Variants in PALS2 observed in about 807,000 individuals in gnomAD.
PALS2 encodes the protein protein associated with LIN7 2, MAGUK p55 family member, also known as protein PALS2.
Under a neutral mutation model 61.6 loss-of-function variants are expected in PALS2, and 27 were observed. That is an observed-to-expected ratio of 0.44 (90% CI 0.32 to 0.60). PALS2 has a LOEUF of 0.60. PALS2 is among the 20% of genes least tolerant of loss of function. The pLI is 0.05. For synonymous variants in PALS2, 236 were observed against 218.6 expected, an observed-to-expected ratio of 1.08 and a Z score of -0.70; for missense variants, 554 against 639.4, an observed-to-expected ratio of 0.87 and a Z score of 1.44.
At chr7:24,594,753 T>A (rs1184369550) in intron 1 of PALS2, among the ~76,000 whole-genome samples, 3 of 152,128 alleles carry the variant, frequency 2.0e-5, no homozygotes, top group African/African-American at 7.2e-5. Context: ...GGTAATTACC[T>A]TGACCCTATC....
At chr7:24,663,803 A>G in intron 6 of PALS2, 82 bp downstream of exon 6, 1 of 1,438,906 alleles carries the variant, frequency 6.9e-7, no homozygotes, top group Non-Finnish European at 9.5e-7. Context: ...AGTCAGGAAG[A>G]ATATTAGCAT....
At chr7:24,583,160 G>C (rs960635983) in intron 1 of PALS2, among the ~76,000 whole-genome samples, 3 of 151,742 alleles carry the variant, frequency 2.0e-5, no homozygotes, top group Admixed American at 2.0e-4. Context: ...CAAAGTGCTG[G>C]GATTACAAGC....
chr7:24,585,650 C>T (rs2128041305), intron 1 of PALS2, among the ~76,000 whole-genome samples: 1 of 152,232 alleles, frequency 6.6e-6, no homozygotes, highest in South Asian at 2.1e-4. Context: ...CATCTCCATC[C>T]CCTCCTTTCC....
intron 2 of PALS2, among the ~76,000 whole-genome samples, chr7:24,635,529 GCTT>G (rs1785194086): frequency 6.6e-6 from 1 of 151,970 alleles, no homozygotes; most frequent in Non-Finnish European, 1.5e-5. Context: ...AACCTGAATG[GCTT>G]TTTTATTTTT....
chr7:24,609,918 T>G (rs1322363073), intron 1 of PALS2, among the ~76,000 whole-genome samples: 1 of 152,102 alleles, frequency 6.6e-6, no homozygotes, highest in Non-Finnish European at 1.5e-5. Flanking sequence ...CTAGGAATGG[T>G]TTAGGAAATT....
intron 5 of PALS2, among the ~76,000 whole-genome samples, chr7:24,662,203 T>C (rs1786758043): frequency 1.3e-5 from 2 of 152,288 alleles, no homozygotes; most frequent in South Asian, 4.1e-4. Context: ...TAACTAAGAT[T>C]TTATTACATG....
chr7:24,577,350 G>T (rs1417086553), intron 1 of PALS2, among the ~76,000 whole-genome samples: 1 of 150,306 alleles, frequency 6.7e-6, no homozygotes, highest in Non-Finnish European at 1.5e-5. Flanking sequence ...CTAACTTTAG[G>T]ATTGTGTTAA....
At chr7:24,584,356 A>G (rs1212301654) in intron 1 of PALS2, among the ~76,000 whole-genome samples, 16 of 147,346 alleles carry the variant, frequency 1.1e-4, no homozygotes, top group African/African-American at 2.8e-4. Context: ...TTGCCATTCT[A>G]ACTGGTGTGA....
At chr7:24,657,675 C>T (rs1172775296) in intron 5 of PALS2, among the ~76,000 whole-genome samples, 1 of 152,168 alleles carries the variant, frequency 6.6e-6, no homozygotes, top group Non-Finnish European at 1.5e-5. Flanking sequence ...TTAACAATGT[C>T]ATTCAAAGAG....
chr7:24,651,569 G>T (rs911376507), intron 5 of PALS2, among the ~76,000 whole-genome samples: 1 of 152,216 alleles, frequency 6.6e-6, no homozygotes, highest in Non-Finnish European at 1.5e-5. Context: ...ACTTGCTGTG[G>T]TGATGACGCA....
intron 1 of PALS2, among the ~76,000 whole-genome samples, chr7:24,602,233 T>G (rs1583858093): frequency 6.6e-6 from 1 of 152,172 alleles, no homozygotes; most frequent in African/African-American, 2.4e-5. Flanking sequence ...TATTCTAGTT[T>G]CATGAGTATG....
intron 1 of PALS2, among the ~76,000 whole-genome samples, chr7:24,623,118 T>C (rs549577621): frequency 3.3e-5 from 5 of 152,054 alleles, no homozygotes; most frequent in South Asian, 2.1e-4. Context: ...TGGTGGTAAT[T>C]TTTTTGTGTG....
At chr7:24,663,288 G>C (rs1021830225) in intron 5 of PALS2, among the ~76,000 whole-genome samples, 6 of 151,832 alleles carry the variant, frequency 4.0e-5, no homozygotes, top group Non-Finnish European at 7.4e-5. Context: ...ATGCAGTGTT[G>C]GTTGGAAAAT....
At chr7:24,626,689 C>T (rs572330854) in intron 2 of PALS2, among the ~76,000 whole-genome samples, 27 of 151,736 alleles carry the variant, frequency 1.8e-4, no homozygotes, top group Non-Finnish European at 3.8e-4. Context: ...GCAGATTTAC[C>T]ATACAAATGT....
chr7:24,583,643 C>A (rs964009807), intron 1 of PALS2, among the ~76,000 whole-genome samples: 3 of 146,814 alleles, frequency 2.0e-5, no homozygotes, highest in African/African-American at 7.7e-5. Flanking sequence ...TTTTTTTTCC[C>A]ATGCTAAATA....
rs566996851 is a variant in PALS2 at position 24,691,148 on chromosome 7, A to G, written c.*3534A>G. The G allele has an allele frequency of 5.3e-4, 80 of 152,072 alleles. No individual in the cohort carries two copies. The highest frequency in any genetic ancestry group is 1.9e-3 in the African/African-American group (79 of 41,528). 9.4% of individuals were successfully genotyped at this position (152,072 alleles called of 1,614,324 possible). ...AGGTGGATAGCCATAGAGTTAGGTA[A>G]AATTATTTTGAATTGGCAAACTAAA... On this transcript the variant is annotated 3_prime_UTR_variant, in exon 12 of 12. Coordinates refer to ENST00000222644, the MANE Select transcript of PALS2 (RefSeq NM_001303037.2).
intron 1 of PALS2, among the ~76,000 whole-genome samples, chr7:24,612,994 T>A (rs1183783892): frequency 6.6e-6 from 1 of 151,812 alleles, no homozygotes; most frequent in African/African-American, 2.4e-5. Flanking sequence ...GGTAAGGTTT[T>A]TTCCATCAGA....
chr7:24,620,771 C>CT (rs1395507583), intron 1 of PALS2, among the ~76,000 whole-genome samples: 2 of 152,124 alleles, frequency 1.3e-5, no homozygotes, highest in Non-Finnish European at 2.9e-5. Context: ...AAAAGGAGTG[C>CT]TGATCTTTGA....
chr7:24,583,550 A>C (rs113750733), intron 1 of PALS2, among the ~76,000 whole-genome samples: 3 of 152,006 alleles, frequency 2.0e-5, no homozygotes, highest in Non-Finnish European at 2.9e-5. Context: ...ACGACTTTCA[A>C]TAAGGTCCCC....
Sources: allele counts gnomAD v4.1 joint callset (sites outside exome capture counted in the v4.1 genomes callset), GRCh38; gene constraint gnomAD v4.1.1; transcripts MANE v1.5; gene names NCBI Gene and HGNC (gene_info 2026-07-23, HGNC 2026-07-21).